The following ANGPT1 variants were observed in gnomAD, a reference collection of about 807,000 sequenced individuals.
ANGPT1 encodes angiopoietin-1.
A neutral mutation model predicts 62.2 loss-of-function variants in ANGPT1; 17 were observed. That is an observed-to-expected ratio of 0.27 (90% CI 0.19 to 0.41). ANGPT1 has a LOEUF of 0.41. Among genes scored for constraint, ANGPT1 ranks in the 10% least tolerant of loss-of-function variants. ANGPT1 has a pLI of 1.00. For missense variants in ANGPT1, 478 were observed against 594.9 expected, an observed-to-expected ratio of 0.80 and a Z score of 2.04; for synonymous variants, 199 against 198.9, an observed-to-expected ratio of 1.00 and a Z score of 0.00.
chr8:107,339,376 C>G (rs567959104), intron 2 of ANGPT1, among the ~76,000 whole-genome samples: 1 of 152,302 alleles, frequency 6.6e-6, no homozygotes, highest in Non-Finnish European at 1.5e-5. Flanking sequence ...TATGCTCCAA[C>G]TACACAGTCT....
At chr8:107,266,611 T>C (rs537431577) in intron 7 of ANGPT1, among the ~76,000 whole-genome samples, 2 of 152,212 alleles carry the variant, frequency 1.3e-5, no homozygotes, top group African/African-American at 4.8e-5. Flanking sequence ...GAATGAGCAA[T>C]GGCAATTTTA....
chr8:107,391,803 CAT>C (rs765492072), intron 1 of ANGPT1, among the ~76,000 whole-genome samples: 7 of 152,180 alleles, frequency 4.6e-5, no homozygotes, highest in Admixed American at 6.5e-5. Context: ...CCTGTAACCA[CAT>C]GTTAGTACAC....
At chr8:107,280,270 G>A (rs932781880) in intron 7 of ANGPT1, among the ~76,000 whole-genome samples, 1 of 151,250 alleles carries the variant, frequency 6.6e-6, no homozygotes, top group Non-Finnish European at 1.5e-5. Context: ...GCGCAATCTC[G>A]GCTCACTACA....
At chr8:107,467,882 C>T (rs1812245560) in intron 1 of ANGPT1, among the ~76,000 whole-genome samples, 1 of 152,158 alleles carries the variant, frequency 6.6e-6, no homozygotes, top group African/African-American at 2.4e-5. Context: ...GTACTTTAAA[C>T]AGGTCTGCTT....
intron 1 of ANGPT1, among the ~76,000 whole-genome samples, chr8:107,455,937 A>G (rs1462034895): frequency 6.6e-6 from 1 of 152,082 alleles, no homozygotes; most frequent in African/African-American, 2.4e-5. Flanking sequence ...TGAAGCCACA[A>G]AAAGCATGTT....
chr8:107,440,671 C>T (rs1378094591), intron 1 of ANGPT1, among the ~76,000 whole-genome samples: 1 of 152,092 alleles, frequency 6.6e-6, no homozygotes, highest in Non-Finnish European at 1.5e-5. Context: ...AATTGGAAAA[C>T]CAAAGGTCTT....
intron 1 of ANGPT1, among the ~76,000 whole-genome samples, chr8:107,367,258 C>A (rs1445129406): frequency 6.6e-6 from 1 of 152,146 alleles, no homozygotes. Flanking sequence ...TTACACTATA[C>A]TGTGGTCTAT....
chr8:107,256,219 TCA>T (rs1563536449), intron 8 of ANGPT1, among the ~76,000 whole-genome samples: 1 of 152,202 alleles, frequency 6.6e-6, no homozygotes, highest in Non-Finnish European at 1.5e-5. Flanking sequence ...CATGACAATT[TCA>T]GTTTTATTAT....
At chr8:107,307,868 C>T (rs1586208597) in intron 4 of ANGPT1, among the ~76,000 whole-genome samples, 1 of 152,138 alleles carries the variant, frequency 6.6e-6, no homozygotes, top group Admixed American at 6.6e-5. Flanking sequence ...GGCAGTCCTT[C>T]CTGCTACACC....
At position 107,330,467 on chromosome 8, in the gene ANGPT1, T is replaced by C. The variant is rs534834961; in HGVS notation, c.575+5683A>G. ...AAGTAAGTCTGCAAAAGTAAGATTA[T>C]AGTGATCATGGACTGTATTGTGTGC... On this transcript the variant is annotated intron_variant, in intron 3 of 8. Coordinates refer to ENST00000517746, the MANE Select transcript of ANGPT1 (RefSeq NM_001146.5). Among the ~76,000 whole-genome samples the C allele has an allele frequency of 1.2e-4, 19 of 152,310 alleles. No homozygotes were observed. In the South Asian group the frequency reaches 3.5e-3, roughly 28 times the overall value.
intron 1 of ANGPT1, among the ~76,000 whole-genome samples, chr8:107,480,214 C>A (rs966494429): frequency 2.0e-5 from 3 of 152,050 alleles, no homozygotes; most frequent in East Asian, 1.9e-4. Context: ...ATGGAAAGTG[C>A]ATAATATGAA....
intron 1 of ANGPT1, among the ~76,000 whole-genome samples, chr8:107,371,979 A>G (rs960154893): frequency 2.6e-5 from 4 of 152,170 alleles, no homozygotes; most frequent in Non-Finnish European, 4.4e-5. Context: ...TGATGATTTT[A>G]TCATTGAAAA....
In ANGPT1 at chr8:107,251,942, T is replaced by C; in HGVS notation, c.1410A>G (p.Lys470=). 6.2e-7 allele frequency: 1 copy of C among 1,613,920 alleles called. No homozygotes were observed. Among genetic ancestry groups the C allele is most frequent in the African/African-American group, 1.3e-5 (1 of 75,006 alleles). ...MFYTAGQNHG[K]LNGIKWHYFK... ...AGTAGTGCCACTTTATCCCATTCAG[T>C]TTTCCATGGTTTTGTCCCGCAGTAT... Residue 470 remains lysine (K), a synonymous_variant, in exon 9 of 9, where the codon AAA becomes AAG. Transcript: ENST00000517746.
Position 107,295,703 on chromosome 8 carries a change from G to A in ANGPT1, c.937-1666C>T, listed in dbSNP as rs954517728. ...TCAAAGGCTAGCAAAGAAAATGATC[G>A]TAGTTTTGGACACCTTAGCCTTTGA... On this transcript the variant is annotated intron_variant, in intron 5 of 8. Coordinates refer to ENST00000517746, the MANE Select transcript of ANGPT1 (RefSeq NM_001146.5). Among the ~76,000 whole-genome samples, 23 of 152,246 alleles carry A rather than the reference G, an allele frequency of 1.5e-4. No individual in the cohort carries two copies. The East Asian group carries it at 2.9e-3, about 19-fold the overall frequency.
chr8:107,339,445 G>T (rs183811825), intron 2 of ANGPT1, among the ~76,000 whole-genome samples: 1 of 152,084 alleles, frequency 6.6e-6, no homozygotes, highest in African/African-American at 2.4e-5. Context: ...TGCACTTGCA[G>T]TTTCCTCTGC....
intron 1 of ANGPT1, among the ~76,000 whole-genome samples, chr8:107,401,601 A>G (rs1357233739): frequency 6.6e-6 from 1 of 152,228 alleles, no homozygotes; most frequent in African/African-American, 2.4e-5. Flanking sequence ...GTTGATTGAT[A>G]GGCATTAGCC....
chr8:107,399,153 G>C (rs1816993789), intron 1 of ANGPT1, among the ~76,000 whole-genome samples: 2 of 152,114 alleles, frequency 1.3e-5, no homozygotes, highest in African/African-American at 4.8e-5. Context: ...CAGGAGAAGA[G>C]GGGGTCAACT....
chr8:107,433,561 C>G (rs1449655007), intron 1 of ANGPT1, among the ~76,000 whole-genome samples: 1 of 152,164 alleles, frequency 6.6e-6, no homozygotes, highest in East Asian at 1.9e-4. Flanking sequence ...CAGCATTTTC[C>G]TCATCTAGAA....
intron 1 of ANGPT1, among the ~76,000 whole-genome samples, chr8:107,450,422 T>C (rs1001970474): frequency 6.6e-6 from 1 of 152,036 alleles, no homozygotes; most frequent in East Asian, 1.9e-4. Flanking sequence ...CGCAGCAATA[T>C]AGATGAGTTT....
Sources: gnomAD v4.1 joint callset for allele counts (sites outside exome capture counted in the v4.1 genomes callset) on GRCh38, gnomAD v4.1.1 for gene constraint, MANE v1.5 for transcripts, NCBI Gene and HGNC (gene_info 2026-07-23, HGNC 2026-07-21) for gene names.